The following HEPHL1 variants were observed in gnomAD, a reference collection of about 807,000 sequenced individuals.
HEPHL1 encodes ferroxidase HEPHL1.
In HEPHL1, 123 loss-of-function variants were observed where a neutral mutation model predicts 122.0. The observed-to-expected ratio is 1.01, with a 90% CI of 0.87 to 1.17. HEPHL1 has a LOEUF of 1.17. HEPHL1 is among the 50% of genes most tolerant of loss of function. The pLI is 0.00. For missense variants in HEPHL1, 1,452 were observed against 1,430.5 expected, an observed-to-expected ratio of 1.01 and a Z score of -0.24; for synonymous variants, 527 against 508.9, an observed-to-expected ratio of 1.04 and a Z score of -0.48.
At chr11:94,104,824 C>G in intron 16 of HEPHL1, 74 bp downstream of exon 16, 1 of 1,108,608 alleles carries the variant, frequency 9.0e-7, no homozygotes, top group Non-Finnish European at 1.3e-6. Context: ...AGGAGGCTCC[C>G]AGCATCCTTC....
chr11:94,036,088 A>T (rs1054164155), intron 1 of HEPHL1, among the ~76,000 whole-genome samples: 6 of 152,126 alleles, frequency 3.9e-5, no homozygotes, highest in Non-Finnish European at 8.8e-5. Flanking sequence ...TTATACCACC[A>T]CTGAAATGCC....
chr11:94,073,980 G>T (rs1946100258), intron 8 of HEPHL1, among the ~76,000 whole-genome samples: 1 of 152,242 alleles, frequency 6.6e-6, no homozygotes, highest in Non-Finnish European at 1.5e-5. Flanking sequence ...TTCTCTAAAT[G>T]TAAGAAAGGT....
intron 2 of HEPHL1, among the ~76,000 whole-genome samples, chr11:94,046,344 C>T (rs1299835328): frequency 5.9e-5 from 9 of 151,296 alleles, no homozygotes; most frequent in South Asian, 4.2e-4. Flanking sequence ...ATGATCCGCC[C>T]GCCTCAGCCT....
chr11:94,086,831 G>C (rs527520699), intron 11 of HEPHL1, among the ~76,000 whole-genome samples: 1 of 152,234 alleles, frequency 6.6e-6, no homozygotes, highest in African/African-American at 2.4e-5. Context: ...AGAGCAACAC[G>C]TGGTAGCACA....
rs1420133415 is a variant in HEPHL1 at position 94,095,667 on chromosome 11, C to A, written c.2434+2027C>A. ...TTCCTATCCATGAGCATGGAATATT[C>A]TTCTGTTTGTTTGTGTCCTCTTTTA... On this transcript the variant is annotated intron_variant, in intron 13 of 19. Coordinates refer to ENST00000315765, the MANE Select transcript of HEPHL1 (RefSeq NM_001098672.2). 2.0e-5 allele frequency among the ~76,000 whole-genome samples: 3 copies of A among 152,182 alleles called. No individual in the cohort carries two copies. The East Asian group carries it at 5.8e-4, about 29-fold the overall frequency.
chr11:94,064,300 TTCTC>T (rs772391271), intron 3 of HEPHL1, 27 bp from the exon 4 acceptor site: 3 of 1,554,798 alleles, frequency 1.9e-6, no homozygotes, highest in Admixed American at 1.8e-5. Flanking sequence ...ATTTAGTTCT[TTCTC>T]TCTACTCTTT....
rs182666137 is a variant in HEPHL1, at chr11:94,098,842, G to A, written c.2435-2353G>A. On this transcript the variant is annotated intron_variant, in intron 13 of 19. Transcript: ENST00000315765. ...CTTGTGCATTCATTATGTAGTTCTCGTGCCATGGTTTTCAGCTCTATCAGG... is the reference window on the plus strand; with the variant it reads ...CTTGTGCATTCATTATGTAGTTCTCATGCCATGGTTTTCAGCTCTATCAGG... Among the ~76,000 whole-genome samples the A allele has an allele frequency of 4.9e-3, 745 of 152,206 alleles. 6 individuals are homozygous for A. Among genetic ancestry groups the A allele is most frequent in the Middle Eastern group, 0.017 (5 of 292 alleles).
Position 94,088,844 on chromosome 11 carries a change from C to A in HEPHL1, c.2170C>A (p.Pro724Thr), listed in dbSNP as rs535559824. ...GGTCAGCAGCTGTGACAACAGGGAC[C>A]CTTCTGAGCAGCGGTACGGGATGAT... ...YEVSSCDNRD[P>T]SEQRYGMIRT... The change falls in exon 12 of 20, where the codon CCT (proline) becomes ACT (threonine). Residue 724 changes from proline to threonine, a missense_variant. Physicochemically the swap from Pro to Thr is conservative, Grantham distance 38 (BLOSUM62 -1). Transcript: ENST00000315765. 5 of 1,613,914 alleles carry A rather than the reference C, an allele frequency of 3.1e-6. No homozygotes were observed. Among genetic ancestry groups the A allele is most frequent in the Non-Finnish European group, 3.4e-6 (4 of 1,179,862 alleles).
chr11:94,095,808 T>C (rs1240469106), intron 13 of HEPHL1, among the ~76,000 whole-genome samples: 2 of 151,646 alleles, frequency 1.3e-5, no homozygotes, highest in Non-Finnish European at 2.9e-5. Flanking sequence ...GTTCATGATT[T>C]AGCTCTCTGT....
chr11:94,049,177 A>G (rs1162594927), intron 2 of HEPHL1, among the ~76,000 whole-genome samples: 1 of 152,062 alleles, frequency 6.6e-6, no homozygotes, highest in Non-Finnish European at 1.5e-5. Context: ...TAATACTGGT[A>G]TAGTAGACAT....
At chr11:94,039,137 A>G (rs1945751396) in intron 1 of HEPHL1, among the ~76,000 whole-genome samples, 1 of 96,834 alleles carries the variant, frequency 1.0e-5, no homozygotes, top group Non-Finnish European at 2.1e-5. Flanking sequence ...CCATTACATA[A>G]TGGTAAAGGG....
intron 1 of HEPHL1, among the ~76,000 whole-genome samples, chr11:94,034,596 G>A (rs1216493512): frequency 1.3e-5 from 2 of 152,184 alleles, no homozygotes; most frequent in Non-Finnish European, 2.9e-5. Context: ...AAAGGAATGT[G>A]GCTGTAAACC....
chr11:94,085,649 C>T (rs1460988729), intron 10 of HEPHL1, among the ~76,000 whole-genome samples: 5 of 152,088 alleles, frequency 3.3e-5, no homozygotes, highest in Non-Finnish European at 5.9e-5. Context: ...AGGAAAATAA[C>T]CACAAAAGAA....
intron 17 of HEPHL1, among the ~76,000 whole-genome samples, chr11:94,109,579 T>G (rs1946432996): frequency 6.6e-6 from 1 of 152,276 alleles, no homozygotes; most frequent in East Asian, 1.9e-4. Flanking sequence ...TATCAAATGG[T>G]TTTTCTGCAT....
chr11:94,031,707 C>T (rs1031629163), intron 1 of HEPHL1, among the ~76,000 whole-genome samples: 4 of 152,230 alleles, frequency 2.6e-5, no homozygotes, highest in Admixed American at 2.0e-4. Context: ...TAGTCAGGCC[C>T]ATCTCTGGCT....
At chr11:94,094,752 A>G (rs1169202974) in intron 13 of HEPHL1, among the ~76,000 whole-genome samples, 1 of 152,204 alleles carries the variant, frequency 6.6e-6, no homozygotes, top group Non-Finnish European at 1.5e-5. Flanking sequence ...ATGGCCAGTG[A>G]TGATGAGCAT....
intron 17 of HEPHL1, among the ~76,000 whole-genome samples, chr11:94,107,951 T>C (rs578199652): frequency 1.3e-5 from 2 of 152,348 alleles, no homozygotes; most frequent in South Asian, 2.1e-4. Flanking sequence ...TTTGATTTCA[T>C]AAGAAACCAC....
At chr11:94,065,500 A>G (rs1946025933) in intron 4 of HEPHL1, among the ~76,000 whole-genome samples, 1 of 152,210 alleles carries the variant, frequency 6.6e-6, no homozygotes, top group Non-Finnish European at 1.5e-5. Flanking sequence ...CATGATTGTC[A>G]GTACATTGAT....
At chr11:94,065,527 C>G (rs905405082) in intron 4 of HEPHL1, among the ~76,000 whole-genome samples, 3 of 152,222 alleles carry the variant, frequency 2.0e-5, no homozygotes, top group African/African-American at 7.2e-5. Flanking sequence ...CATTGTATTG[C>G]ATGCCTTCTT....
Sources: allele counts gnomAD v4.1 joint callset (sites outside exome capture counted in the v4.1 genomes callset), GRCh38; gene constraint gnomAD v4.1.1; transcripts MANE v1.5; gene names NCBI Gene and HGNC (gene_info 2026-07-23, HGNC 2026-07-21).